WWOX: variants seen among roughly 807,000 people sequenced by gnomAD.
WWOX encodes WW domain-containing oxidoreductase.
WWOX carries 69 observed loss-of-function variants against 46.2 expected under a neutral mutation model. That is an observed-to-expected ratio of 1.49 (90% confidence interval 1.23 to 1.82). The LOEUF is 1.82. Ranked by LOEUF, WWOX falls within the 40% of genes most tolerant of loss-of-function variation. The probability of loss-of-function intolerance (pLI) is 0.00; values close to 1 mark genes in which losing one functional copy is unlikely to be tolerated. For synonymous variants in WWOX, 359 were observed against 202.6 expected (o/e 1.77, Z -6.56); for missense variants, 919 against 542.6 (o/e 1.69, Z -6.89).
intron 8 of WWOX, among the ~76,000 whole-genome samples, chr16:78,468,651 C>T (rs1165777507): frequency 6.6e-6 from 1 of 152,162 alleles, no homozygotes; most frequent in African/African-American, 2.4e-5. Flanking sequence ...CTGATTTATA[C>T]TAACTAGTTC....
intron 4 of WWOX, among the ~76,000 whole-genome samples, chr16:78,152,032 T>C (rs1429001365): frequency 2.0e-5 from 3 of 151,864 alleles, no homozygotes; most frequent in Admixed American, 6.6e-5. Context: ...CTACTAAAAA[T>C]ACAAAAAATT....
chr16:78,547,337 G>A (rs1401830699), intron 8 of WWOX, among the ~76,000 whole-genome samples: 2 of 151,886 alleles, frequency 1.3e-5, no homozygotes, highest in Admixed American at 6.6e-5. Flanking sequence ...ATTTACAGAT[G>A]AAAAAAATGA....
At chr16:78,339,671 T>C (rs1023957712) in intron 5 of WWOX, among the ~76,000 whole-genome samples, 6 of 119,610 alleles carry the variant, frequency 5.0e-5, no homozygotes, top group African/African-American at 1.7e-4. Context: ...TTCTGTTCCA[T>C]CCTCATTTTA....
intron 8 of WWOX, among the ~76,000 whole-genome samples, chr16:78,952,329 C>G (rs574248423): frequency 6.6e-6 from 1 of 151,554 alleles, no homozygotes. Flanking sequence ...TGCATTTCCT[C>G]TTGGCAGCAA....
chr16:78,304,131 A>G (rs942501784), intron 5 of WWOX, among the ~76,000 whole-genome samples: 1 of 152,016 alleles, frequency 6.6e-6, no homozygotes, highest in Non-Finnish European at 1.5e-5. Flanking sequence ...GACCTCCCCA[A>G]AGTGTTTCCT....
intron 8 of WWOX, among the ~76,000 whole-genome samples, chr16:78,572,114 A>G (rs1205021469): frequency 1.3e-5 from 2 of 152,206 alleles, no homozygotes; most frequent in African/African-American, 2.4e-5. Context: ...GAACTAGGAA[A>G]AGCTCAGGAA....
At position 78,580,847 on chromosome 16, in the gene WWOX, C is replaced by T. The variant is rs981676933; in HGVS notation, c.1056+148095C>T. On this transcript the variant is annotated intron_variant, in intron 8 of 8. Coordinates refer to ENST00000566780, the MANE Select transcript of WWOX (RefSeq NM_016373.4). ...TTCTTCTCAACACCTATGCCTCTTTCACCTCAGACATGCCTTCTAATTTTC... is the reference window on the plus strand; with the variant it reads ...TTCTTCTCAACACCTATGCCTCTTTTACCTCAGACATGCCTTCTAATTTTC... 2.6e-5 allele frequency among the ~76,000 whole-genome samples: 4 copies of T among 152,350 alleles called. No individual in the cohort carries two copies. The East Asian group carries it at 7.7e-4, about 29-fold the overall frequency.
chr16:79,017,801 C>G (rs1294000488), intron 8 of WWOX, among the ~76,000 whole-genome samples: 2 of 151,942 alleles, frequency 1.3e-5, no homozygotes, highest in African/African-American at 4.8e-5. Context: ...ATTTGCATAA[C>G]AAATTACAGA....
At chr16:78,321,736 C>T (rs949903616) in intron 5 of WWOX, among the ~76,000 whole-genome samples, 5 of 152,146 alleles carry the variant, frequency 3.3e-5, no homozygotes, top group Non-Finnish European at 5.9e-5. Flanking sequence ...AGAACACAGG[C>T]TTGGTGCCTG....
At chr16:78,261,772 GTATCTATCTATCTATCTAT>G (rs1567464565) in intron 5 of WWOX, among the ~76,000 whole-genome samples, 3,573 of 129,946 alleles carry the variant, frequency 0.027, 139 homozygotes, top group African/African-American at 0.085. Context: ...ATCTATCTAT[GTATCTATCTATCTATCTAT>G]ATATATATAT....
In WWOX at chr16:79,211,923, G is replaced by GTTTT; in HGVS notation, c.*128_*129insTTTT. ...CGCAAGAGTAAAGGAAATAAGAGCA[G>GTTTT]TCACAACAGAGTGAAAAATCTTAAG... On this transcript the variant is annotated 3_prime_UTR_variant, in exon 9 of 9. Coordinates refer to ENST00000566780, the MANE Select transcript of WWOX (RefSeq NM_016373.4). 6.5e-7 allele frequency: 1 copy of GTTTT among 1,541,086 alleles called. No individual in the cohort carries two copies. The highest frequency in any genetic ancestry group is 8.7e-7 in the Non-Finnish European group (1 of 1,148,386).
At chr16:78,399,612 G>A (rs750069651) in intron 6 of WWOX, among the ~76,000 whole-genome samples, 9 of 152,210 alleles carry the variant, frequency 5.9e-5, no homozygotes, top group East Asian at 1.9e-4. Flanking sequence ...GCAAATCCCC[G>A]GCGTCAGGGT....
chr16:78,607,559 C>G (rs1597340204), intron 8 of WWOX, among the ~76,000 whole-genome samples: 1 of 151,954 alleles, frequency 6.6e-6, no homozygotes, highest in Admixed American at 6.6e-5. Context: ...AGAGTGTGAA[C>G]TGTTGTCTTA....
intron 8 of WWOX, among the ~76,000 whole-genome samples, chr16:79,011,097 T>C (rs2047295358): frequency 6.6e-6 from 1 of 151,580 alleles, no homozygotes; most frequent in African/African-American, 2.4e-5. Context: ...TATCTTTACA[T>C]ATGATATGTA....
At chr16:78,961,307 A>T (rs8057599) in intron 8 of WWOX, among the ~76,000 whole-genome samples, 3 of 152,240 alleles carry the variant, frequency 2.0e-5, no homozygotes, top group Non-Finnish European at 4.4e-5. Flanking sequence ...ATAATTGAAC[A>T]TGCCTAAATT....
intron 8 of WWOX, among the ~76,000 whole-genome samples, chr16:78,550,557 T>G (rs2044149173): frequency 6.6e-6 from 1 of 152,260 alleles, no homozygotes; most frequent in African/African-American, 2.4e-5. Flanking sequence ...TTTCATGGTT[T>G]TAGAACATGA....
intron 8 of WWOX, among the ~76,000 whole-genome samples, chr16:79,013,726 C>G (rs1437627211): frequency 6.6e-6 from 1 of 152,208 alleles, no homozygotes; most frequent in East Asian, 1.9e-4. Context: ...GATGGGAGCT[C>G]CCGGAAGCAA....
chr16:78,244,448 A>G (rs144890756), intron 5 of WWOX, among the ~76,000 whole-genome samples: 177 of 152,350 alleles, frequency 1.2e-3, no homozygotes, highest in Non-Finnish European at 1.7e-3. Context: ...TAAGCTGTGA[A>G]GTATCTGGAA....
At chr16:78,629,947 G>C (rs1219716205) in intron 8 of WWOX, among the ~76,000 whole-genome samples, 1 of 152,134 alleles carries the variant, frequency 6.6e-6, no homozygotes, top group Admixed American at 6.5e-5. Context: ...TCCAAACTCA[G>C]TTAATTTTCC....
Sources: gnomAD v4.1 joint callset for allele counts (sites outside exome capture counted in the v4.1 genomes callset) on GRCh38, gnomAD v4.1.1 for gene constraint, MANE v1.5 for transcripts, NCBI Gene and HGNC (gene_info 2026-07-23, HGNC 2026-07-21) for gene names.